NEBL: variants seen among roughly 807,000 people sequenced by gnomAD.
NEBL encodes the protein LIM and SH3 protein 2.
NEBL carries 122 observed loss-of-function variants against 140.2 expected under a neutral mutation model. The ratio of observed to expected loss-of-function variants is 0.87; its 90% CI spans 0.75 to 1.01. The LOEUF is 1.01. NEBL is among the 50% of genes least tolerant of loss of function. NEBL has a pLI of 0.00. For synonymous variants in NEBL, 436 were observed against 398.9 expected (o/e 1.09, Z -1.11); for missense variants, 1,365 against 1,231.3 (o/e 1.11, Z -1.62).
chr10:20,820,048 C>T (rs1839145014), intron 19 of NEBL, among the ~76,000 whole-genome samples: 1 of 152,104 alleles, frequency 6.6e-6, no homozygotes, highest in Admixed American at 6.5e-5. Flanking sequence ...ACTAAAGCAA[C>T]ATTTATCAAA....
At chr10:21,070,860 C>G (rs543125023) in intron 2 of NEBL, among the ~76,000 whole-genome samples, 1 of 152,116 alleles carries the variant, frequency 6.6e-6, no homozygotes, top group Admixed American at 6.5e-5. Context: ...TTTTATTGTA[C>G]ACATGAACAA....
intron 24 of NEBL, 64 bp from the exon 25 acceptor site, chr10:20,809,962 A>AG: frequency 1.6e-6 from 2 of 1,255,944 alleles, no homozygotes; most frequent in Non-Finnish European, 2.3e-6. Context: ...AAAAAAAAAA[A>AG]AAAAGCCAGT....
chr10:21,277,813 TTTTC>T (rs148341837), intron 1 of NEBL, among the ~76,000 whole-genome samples: 16,690 of 152,054 alleles, frequency 0.11, 1,021 homozygotes, highest in South Asian at 0.19. Flanking sequence ...AAAGTCATTT[TTTTC>T]TTTCTTTCTT....
intron 2 of NEBL, among the ~76,000 whole-genome samples, chr10:21,052,291 G>A (rs972035768): frequency 1.3e-5 from 2 of 152,170 alleles, no homozygotes; most frequent in African/African-American, 2.4e-5. Flanking sequence ...GAGAGCAAAC[G>A]ACCTCAAAAT....
intron 2 of NEBL, among the ~76,000 whole-genome samples, chr10:21,149,281 G>T (rs1008549283): frequency 3.3e-5 from 5 of 151,870 alleles, no homozygotes; most frequent in African/African-American, 1.2e-4. Context: ...GGTATCCTTT[G>T]CAATAGTCTT....
intron 3 of NEBL, among the ~76,000 whole-genome samples, chr10:21,197,376 T>C (rs1014954057): frequency 1.3e-5 from 2 of 152,214 alleles, no homozygotes; most frequent in Non-Finnish European, 2.9e-5. Context: ...GAATGGAGTA[T>C]AAAGTTGCAT....
chr10:20,884,944 A>ATC (rs910620572), intron 4 of NEBL, among the ~76,000 whole-genome samples: 2 of 152,158 alleles, frequency 1.3e-5, no homozygotes, highest in Non-Finnish European at 2.9e-5. Flanking sequence ...AAAACTCTAC[A>ATC]TCTCTCTCTC....
At chr10:21,075,512 C>A (rs1298859705) in intron 2 of NEBL, among the ~76,000 whole-genome samples, 1 of 152,200 alleles carries the variant, frequency 6.6e-6, no homozygotes, top group Admixed American at 6.5e-5. Context: ...ACATCACCAA[C>A]CTGCCACAGT....
At chr10:20,992,848 G>A (rs1837519761) in intron 3 of NEBL, among the ~76,000 whole-genome samples, 2 of 121,350 alleles carry the variant, frequency 1.6e-5, no homozygotes, top group Admixed American at 1.2e-4. Context: ...TGTGATCTCT[G>A]CTCACTGCAA....
intron 4 of NEBL, among the ~76,000 whole-genome samples, chr10:20,904,465 A>T (rs1564435675): frequency 6.6e-6 from 1 of 152,160 alleles, no homozygotes; most frequent in Non-Finnish European, 1.5e-5. Flanking sequence ...TGATTTGATT[A>T]CCCTCATTTC....
chr10:20,902,227 C>A (rs1847903631), upstream of NEBL, among the ~76,000 whole-genome samples: 1 of 151,894 alleles, frequency 6.6e-6, no homozygotes, highest in South Asian at 2.1e-4. Flanking sequence ...CACTGTGAAA[C>A]CCCGTCTCTA....
chr10:21,071,274 GA>G (rs1412972382), intron 2 of NEBL, among the ~76,000 whole-genome samples: 1 of 150,918 alleles, frequency 6.6e-6, no homozygotes, highest in Admixed American at 6.6e-5. Flanking sequence ...GAAGGTCCCT[GA>G]AAAATATTAG....
intron 13 of NEBL, among the ~76,000 whole-genome samples, chr10:20,840,344 C>G (rs1588748654): frequency 6.6e-6 from 1 of 152,068 alleles, no homozygotes; most frequent in Non-Finnish European, 1.5e-5. Context: ...GAATAAGGTT[C>G]AAACAGCAGC....
intron 3 of NEBL, among the ~76,000 whole-genome samples, chr10:21,206,269 A>G (rs1841823334): frequency 6.6e-6 from 1 of 152,222 alleles, no homozygotes; most frequent in African/African-American, 2.4e-5. Flanking sequence ...CAGAAGAATT[A>G]AAGCAAATGT....
At chr10:21,194,081 C>T (rs1841614602) in intron 3 of NEBL, among the ~76,000 whole-genome samples, 1 of 152,190 alleles carries the variant, frequency 6.6e-6, no homozygotes, top group African/African-American at 2.4e-5. Context: ...CTCAAGTGAT[C>T]CTCCCTCCTC....
At chr10:21,231,548 CAAGAAAAGAA>C (rs530566232) in intron 3 of NEBL, among the ~76,000 whole-genome samples, 4 of 148,350 alleles carry the variant, frequency 2.7e-5, no homozygotes, top group African/African-American at 4.9e-5. Flanking sequence ...CAAAAAAAAA[CAAGAAAAGAA>C]AAGAAAAGAA....
At chr10:20,894,643 G>C (rs993051744) in intron 2 of NEBL, among the ~76,000 whole-genome samples, 60 of 151,924 alleles carry the variant, frequency 3.9e-4, no homozygotes, top group African/African-American at 1.3e-3. Context: ...GGCCGGGCAT[G>C]GTGGCTCACG....
At chr10:21,050,187 C>T (rs1438386754) in intron 2 of NEBL, among the ~76,000 whole-genome samples, 1 of 152,200 alleles carries the variant, frequency 6.6e-6, no homozygotes, top group Non-Finnish European at 1.5e-5. Flanking sequence ...CTCTCTTTTG[C>T]CTGGACATCA....
intron 2 of NEBL, among the ~76,000 whole-genome samples, chr10:21,139,166 T>C (rs1240450491): frequency 6.6e-6 from 1 of 152,026 alleles, no homozygotes; most frequent in Non-Finnish European, 1.5e-5. Context: ...TCAAGTTACA[T>C]AGCACTAGTG....
Sources: gnomAD v4.1 joint callset for allele counts (sites outside exome capture counted in the v4.1 genomes callset) on GRCh38, gnomAD v4.1.1 for gene constraint, MANE v1.5 for transcripts, NCBI Gene and HGNC (gene_info 2026-07-23, HGNC 2026-07-21) for gene names.